Variants in CPPED1 observed in about 807,000 individuals in gnomAD.
CPPED1 encodes serine/threonine-protein phosphatase CPPED1.
In CPPED1, 28 loss-of-function variants were observed where a neutral mutation model predicts 28.0. The observed-to-expected ratio is 1.00, with a 90% CI of 0.74 to 1.37. The LOEUF is 1.37. CPPED1 is among the 40% of genes most tolerant of loss of function. The pLI, the probability that CPPED1 is intolerant of heterozygous loss-of-function variation, is 0.00. For synonymous variants in CPPED1, 198 were observed against 180.2 expected, an observed-to-expected ratio of 1.10 and a Z score of -0.79; for missense variants, 504 against 416.5, an observed-to-expected ratio of 1.21 and a Z score of -1.83.
chr16:12,687,552 C>T (rs763263431), intron 3 of CPPED1, among the ~76,000 whole-genome samples: 1 of 152,192 alleles, frequency 6.6e-6, no homozygotes. Context: ...GGGCAGATCA[C>T]TTGACATCAG....
intron 2 of CPPED1, among the ~76,000 whole-genome samples, chr16:12,718,212 T>G (rs1002408047): frequency 6.6e-6 from 1 of 152,176 alleles, no homozygotes; most frequent in Non-Finnish European, 1.5e-5. Context: ...ACGTTTTTCT[T>G]GATGTGATAT....
chr16:12,800,294 C>T (rs1307394335), intron 1 of CPPED1, among the ~76,000 whole-genome samples: 3 of 152,016 alleles, frequency 2.0e-5, no homozygotes, highest in Admixed American at 6.6e-5. Context: ...CAAAAATTAG[C>T]GGGCATGGTG....
intron 2 of CPPED1, among the ~76,000 whole-genome samples, chr16:12,747,946 C>T (rs889006520): frequency 6.0e-4 from 91 of 152,272 alleles, no homozygotes; most frequent in East Asian, 5.4e-3. Context: ...AGGAACACCA[C>T]GCAGTGCCCG....
chr16:12,771,706 C>T (rs140252766), intron 2 of CPPED1, among the ~76,000 whole-genome samples: 1 of 152,334 alleles, frequency 6.6e-6, no homozygotes, highest in African/African-American at 2.4e-5. Flanking sequence ...ATCAACCTTC[C>T]TGGATTGTGG....
At chr16:12,766,276 G>C (rs1191749919) in intron 2 of CPPED1, among the ~76,000 whole-genome samples, 1 of 131,198 alleles carries the variant, frequency 7.6e-6, no homozygotes, top group Non-Finnish European at 1.6e-5. Context: ...GAGAGAGAGA[G>C]GGAGAGAGAG....
chr16:12,705,789 A>G (rs572939077), intron 2 of CPPED1, among the ~76,000 whole-genome samples: 103 of 152,340 alleles, frequency 6.8e-4, no homozygotes, highest in African/African-American at 2.4e-3. Flanking sequence ...TTACAGGCGT[A>G]AGCCACCGCG....
chr16:12,796,705 C>A (rs2080629720), intron 1 of CPPED1, among the ~76,000 whole-genome samples: 1 of 152,090 alleles, frequency 6.6e-6, no homozygotes, highest in South Asian at 2.1e-4. Flanking sequence ...CCGTATGACT[C>A]AGCAATTCCA....
At chr16:12,728,726 G>A (rs1392827618) in intron 2 of CPPED1, among the ~76,000 whole-genome samples, 1 of 152,166 alleles carries the variant, frequency 6.6e-6, no homozygotes, top group Non-Finnish European at 1.5e-5. Flanking sequence ...CTATTTTAAT[G>A]AGTACAACGA....
At chr16:12,759,604 G>A (rs567391695) in intron 2 of CPPED1, among the ~76,000 whole-genome samples, 13 of 152,308 alleles carry the variant, frequency 8.5e-5, no homozygotes, top group East Asian at 5.8e-4. Flanking sequence ...TGTAACCCCC[G>A]TGTGTCAAGG....
At chr16:12,726,526 A>G (rs1440043987) in intron 2 of CPPED1, among the ~76,000 whole-genome samples, 1 of 151,848 alleles carries the variant, frequency 6.6e-6, no homozygotes, top group East Asian at 1.9e-4. Context: ...AATTTTTAGT[A>G]GAGACGGGGT....
chr16:12,697,007 C>T (rs1469421354), intron 3 of CPPED1, among the ~76,000 whole-genome samples: 1 of 152,086 alleles, frequency 6.6e-6, no homozygotes, highest in Non-Finnish European at 1.5e-5. Context: ...CTACTATTTA[C>T]TGAATCATTT....
chr16:12,790,066 T>G (rs953777993), intron 1 of CPPED1, among the ~76,000 whole-genome samples: 2 of 152,224 alleles, frequency 1.3e-5, no homozygotes, highest in African/African-American at 4.8e-5. Context: ...GTAGGTTTTC[T>G]TTAAACATTA....
intron 1 of CPPED1, among the ~76,000 whole-genome samples, chr16:12,800,632 T>G (rs925565105): frequency 2.0e-5 from 3 of 152,154 alleles, no homozygotes; most frequent in Non-Finnish European, 2.9e-5. Context: ...ACATCCAGCT[T>G]GAAACCTCTT....
chr16:12,798,462 A>G (rs1005477726), intron 1 of CPPED1, among the ~76,000 whole-genome samples: 3 of 152,238 alleles, frequency 2.0e-5, no homozygotes, highest in African/African-American at 7.2e-5. Flanking sequence ...CTATTTCTAG[A>G]AAAGTTCTTA....
At chr16:12,795,579 A>C (rs1274169784) in intron 1 of CPPED1, among the ~76,000 whole-genome samples, 1 of 151,934 alleles carries the variant, frequency 6.6e-6, no homozygotes, top group Non-Finnish European at 1.5e-5. Context: ...ACCTCAAGCG[A>C]TCCACTCGCC....
At chr16:12,671,303 T>C (rs2079851601) in intron 3 of CPPED1, among the ~76,000 whole-genome samples, 2 of 152,218 alleles carry the variant, frequency 1.3e-5, no homozygotes, top group African/African-American at 4.8e-5. Flanking sequence ...TTTTTCCTAA[T>C]GTCCTTTTTC....
chr16:12,694,126 A>T (rs2079977317), intron 3 of CPPED1, among the ~76,000 whole-genome samples: 1 of 152,126 alleles, frequency 6.6e-6, no homozygotes, highest in South Asian at 2.1e-4. Flanking sequence ...GAATCACTTG[A>T]ACCTGGGAGG....
chr16:12,737,663 C>G (rs1014676164), intron 2 of CPPED1, among the ~76,000 whole-genome samples: 3 of 152,166 alleles, frequency 2.0e-5, no homozygotes, highest in Non-Finnish European at 4.4e-5. Flanking sequence ...CTCTTGCCCC[C>G]CTGAAGAATT....
chr16:12,688,534 T>G (rs535755744), intron 3 of CPPED1, among the ~76,000 whole-genome samples: 4 of 152,266 alleles, frequency 2.6e-5, no homozygotes, highest in African/African-American at 9.6e-5. Context: ...AGATGGAGTT[T>G]TGCCATGTTG....
Sources: allele counts gnomAD v4.1 joint callset (sites outside exome capture counted in the v4.1 genomes callset), GRCh38; gene constraint gnomAD v4.1.1; transcripts MANE v1.5; gene names NCBI Gene and HGNC (gene_info 2026-07-23, HGNC 2026-07-21).